Variants in DCHS2 observed in about 807,000 individuals in gnomAD.
DCHS2 encodes dachsous cadherin-related 2.
A neutral mutation model predicts 182.4 loss-of-function variants in DCHS2; 142 were observed. That is an observed-to-expected ratio of 0.78 (90% CI 0.68 to 0.89). The LOEUF is 0.89. Among genes scored for constraint, DCHS2 ranks in the 40% least tolerant of loss-of-function variants. DCHS2 has a pLI of 0.00. For missense variants in DCHS2, 4,319 were observed against 4,198.6 expected (o/e 1.03, Z -0.79); for synonymous variants, 1,740 against 1,663.3 (o/e 1.05, Z -1.12).
intron 16 of DCHS2, among the ~76,000 whole-genome samples, chr4:154,251,782 G>T (rs1363296753): frequency 6.6e-6 from 1 of 152,140 alleles, no homozygotes; most frequent in Non-Finnish European, 1.5e-5. Flanking sequence ...GCCTCCCAAA[G>T]TGCTAGGATT....
At chr4:154,405,073 C>T (rs1385247145) in intron 1 of DCHS2, among the ~76,000 whole-genome samples, 1 of 151,806 alleles carries the variant, frequency 6.6e-6, no homozygotes, top group Non-Finnish European at 1.5e-5. Context: ...ATGGTGAAAC[C>T]CCCTCTCCAC....
intron 1 of DCHS2, among the ~76,000 whole-genome samples, chr4:154,434,116 T>C (rs1051417603): frequency 2.6e-5 from 4 of 152,212 alleles, no homozygotes; most frequent in African/African-American, 9.6e-5. Flanking sequence ...TACAAAATTA[T>C]ATGTTTACAT....
chr4:154,408,604 C>T (rs907899852), intron 1 of DCHS2, among the ~76,000 whole-genome samples: 19 of 152,154 alleles, frequency 1.2e-4, no homozygotes, highest in Admixed American at 1.0e-3. Flanking sequence ...CTCATTCCCA[C>T]ACAAATACAG....
chr4:154,426,481 C>T (rs531445640), intron 1 of DCHS2, among the ~76,000 whole-genome samples: 5 of 152,112 alleles, frequency 3.3e-5, no homozygotes, highest in South Asian at 2.1e-4. Context: ...CACAGGTCTC[C>T]GCATAAGGTT....
chr4:154,477,217 G>C (rs1198015057), intron 1 of DCHS2, among the ~76,000 whole-genome samples: 1 of 152,172 alleles, frequency 6.6e-6, no homozygotes, highest in African/African-American at 2.4e-5. Context: ...ACCTCTTGAT[G>C]TAGCCTCACG....
At chr4:154,330,568 A>G (rs2111357425) in intron 5 of DCHS2, among the ~76,000 whole-genome samples, 1 of 152,136 alleles carries the variant, frequency 6.6e-6, no homozygotes, top group South Asian at 2.1e-4. Context: ...TTTCCTCACC[A>G]TTTATGAAAA....
chr4:154,368,819 G>A lies in DCHS2; in HGVS notation c.2245-2378C>T, dbSNP rs570060688. The stretch of plus-strand genomic sequence containing the variant: ...TGGCCAACAATACATTTTTGTTGCC[G>A]GTAGGGTAAGCACACTAGTGGGGCT... On this transcript the variant is annotated intron_variant, in intron 2 of 19. Coordinates refer to ENST00000357232, the MANE Select transcript of DCHS2 (RefSeq NM_001358235.2). Among the ~76,000 whole-genome samples, 19 of 152,178 alleles carry A rather than the reference G, an allele frequency of 1.2e-4. No homozygotes were observed. In the East Asian group the frequency reaches 2.7e-3, roughly 22 times the overall value.
At chr4:154,330,975 G>C (rs1736496046) in intron 5 of DCHS2, among the ~76,000 whole-genome samples, 1 of 152,138 alleles carries the variant, frequency 6.6e-6, no homozygotes, top group African/African-American at 2.4e-5. Context: ...AAAAGACTGT[G>C]CAGCTCAGGC....
Position 154,259,669 on chromosome 4 carries a change from T to G in DCHS2, c.6665A>C (p.His2222Pro). The G allele has an allele frequency of 6.2e-7, 1 of 1,614,124 alleles. No homozygotes were observed. Among genetic ancestry groups the G allele is most frequent in the Non-Finnish European group, 8.5e-7 (1 of 1,180,016 alleles). The change falls in exon 15 of 20, where the codon CAT becomes CCT. Residue 2222 changes from histidine (H) to proline (P), a missense_variant. By Grantham distance (77) the His-to-Pro change is moderately conservative (BLOSUM62 -2). Transcript: ENST00000357232. ...GACTGCTACTTTGCAATAGGCTCTA[T>G]GCCCACTACTTTCAGCTAAAACGAT... is the stretch of plus-strand genomic sequence containing the variant. ...QLIVLAESSG[H>P]RAYCKVAVLI...
At chr4:154,419,585 G>A (rs1407231314) in intron 1 of DCHS2, among the ~76,000 whole-genome samples, 3 of 141,292 alleles carry the variant, frequency 2.1e-5, no homozygotes, top group African/African-American at 5.3e-5. Context: ...GGAAGGCGGA[G>A]GTTGCAGTGA....
In DCHS2 at chr4:154,239,179, G is replaced by A. The variant is rs762241035; in HGVS notation, c.7483C>T (p.Pro2495Ser). The change falls in exon 19 of 20, where the codon CCT becomes TCT. Residue 2495 changes from proline (P) to serine (S), a missense_variant. Coordinates refer to ENST00000357232, the MANE Select transcript of DCHS2 (RefSeq NM_001358235.2). ...ATTATAAATAACTCACCATTCTTAG[G>A]ATCAATGGAGAATTCCTTAGAAGAG... is the stretch of plus-strand genomic sequence containing the variant. ...LSSSKEFSID[P>S]KNGTIFTISP... 15 of 1,611,824 alleles carry A rather than the reference G, an allele frequency of 9.3e-6. No homozygotes were observed. Among genetic ancestry groups the A allele is most frequent in the Middle Eastern group, 1.6e-4 (1 of 6,064 alleles).
chr4:154,402,532 C>T (rs977582193), intron 1 of DCHS2, among the ~76,000 whole-genome samples: 16 of 152,144 alleles, frequency 1.1e-4, no homozygotes, highest in African/African-American at 2.9e-4. Flanking sequence ...CAAAGACATA[C>T]CTGAGACTGG....
intron 16 of DCHS2, among the ~76,000 whole-genome samples, chr4:154,250,775 C>T (rs1226556312): frequency 6.6e-6 from 1 of 152,214 alleles, no homozygotes; most frequent in Non-Finnish European, 1.5e-5. Flanking sequence ...AGTTCTCTCT[C>T]TTGCAGTGCA....
rs1476113096 is a variant in DCHS2 at position 154,490,996 on chromosome 4, C to T, written c.360G>A (p.Pro120=). 6.4e-7 allele frequency: 1 copy of T among 1,550,408 alleles called. No individual in the cohort carries two copies. The highest frequency in any genetic ancestry group is 8.7e-7 in the Non-Finnish European group (1 of 1,146,296). ...GCGCAGTGCGGATGATGCCGGTGTC[C>T]GGGTGCACGTGGAAGTCGTCCAGCA... is the stretch of plus-strand genomic sequence containing the variant. ...SPLLDDFHVH[P]DTGIIRTARR... The change falls in exon 1 of 20, where the codon CCG becomes CCA. Residue 120 remains proline (P), a synonymous_variant. Coordinates refer to ENST00000357232, the MANE Select transcript of DCHS2 (RefSeq NM_001358235.2).
chr4:154,452,427 C>A (rs975409199), intron 1 of DCHS2, among the ~76,000 whole-genome samples: 1 of 152,006 alleles, frequency 6.6e-6, no homozygotes, highest in Admixed American at 6.6e-5. Context: ...AGTTCAAGAC[C>A]AGCCTGGCCA....
chr4:154,391,392 C>A, intron 1 of DCHS2: 1 of 1,436,780 alleles, frequency 7.0e-7, no homozygotes, highest in Non-Finnish European at 9.2e-7. Context: ...GGAAATACCT[C>A]CATGACTTTC....
In DCHS2 at chr4:154,234,828, A is replaced by G; in HGVS notation, c.9824T>C (p.Val3275Ala). ...PGIPKEKKSF[V>A]FPPPLITAVA... Reference sequence around the variant, plus strand: ...TGCTGTTATCAAAGGGGGTGGAAAAACAAAAGATTTCTTCTCTTTTGGAAT... The same window carrying G: ...TGCTGTTATCAAAGGGGGTGGAAAAGCAAAAGATTTCTTCTCTTTTGGAAT... The change falls in exon 20 of 20, where the codon GTT (valine) becomes GCT (alanine). Residue 3275 changes from valine to alanine, a missense_variant. Coordinates refer to ENST00000357232, the MANE Select transcript of DCHS2 (RefSeq NM_001358235.2). The G allele has an allele frequency of 1.2e-6, 2 of 1,614,018 alleles. No homozygotes were observed. The highest frequency in any genetic ancestry group is 1.7e-4 in the Middle Eastern group (1 of 6,060).
intron 3 of DCHS2, among the ~76,000 whole-genome samples, chr4:154,338,736 A>G (rs1377736223): frequency 5.9e-5 from 9 of 152,244 alleles, no homozygotes; most frequent in Non-Finnish European, 1.2e-4. Flanking sequence ...ATACAATAGA[A>G]TACTGTGTAG....
intron 1 of DCHS2, among the ~76,000 whole-genome samples, chr4:154,438,447 C>A (rs987254378): frequency 6.6e-6 from 1 of 152,148 alleles, no homozygotes; most frequent in African/African-American, 2.4e-5. Flanking sequence ...GCTTTAATAT[C>A]TGGTTGTACA....
Sources: gnomAD v4.1 joint callset for allele counts (sites outside exome capture counted in the v4.1 genomes callset) on GRCh38, gnomAD v4.1.1 for gene constraint, MANE v1.5 for transcripts, NCBI Gene and HGNC (gene_info 2026-07-23, HGNC 2026-07-21) for gene names.